The following BMP3 variants were observed in gnomAD, a reference collection of about 807,000 sequenced individuals.
The protein encoded by BMP3 is bone morphogenetic protein 3, also known as bone morphogenetic protein 3 (osteogenic).
Under a neutral mutation model 38.1 loss-of-function variants are expected in BMP3, and 23 were observed. That is an observed-to-expected ratio of 0.60 (90% CI 0.43 to 0.86). BMP3 has a LOEUF of 0.86. BMP3 is among the 40% of genes least tolerant of loss of function. The probability of loss-of-function intolerance (pLI) is 0.00; values close to 1 mark genes in which losing one functional copy is unlikely to be tolerated. For missense variants in BMP3, 628 were observed against 579.6 expected, an observed-to-expected ratio of 1.08 and a Z score of -0.86; for synonymous variants, 258 against 225.7, an observed-to-expected ratio of 1.14 and a Z score of -1.28.
At chr4:81,047,190 C>T (rs1740275159) in intron 2 of BMP3, among the ~76,000 whole-genome samples, 1 of 152,192 alleles carries the variant, frequency 6.6e-6, no homozygotes, top group African/African-American at 2.4e-5. Context: ...CCACTACGTG[C>T]TTATTTCATT....
rs191716079 is a variant in BMP3 at position 81,054,917 on chromosome 4, A to C, written c.*1381A>C. On this transcript the variant is annotated 3_prime_UTR_variant, in exon 3 of 3. Transcript: ENST00000282701. ...TCCGTCTTATCTGATACTTAGAAAT[A>C]TCTCAGCCATTTTGGAGGCTGTGCA... 7.9e-4 allele frequency: 121 copies of C among 152,356 alleles called. 1 individual carries two copies. The Middle Eastern group carries it at 0.01, about 13-fold the overall frequency. The allele number at this position is 152,356 out of a possible 1,614,324, so 9.4% of individuals were successfully genotyped here.
At chr4:81,033,637 G>A (rs887953683) in intron 1 of BMP3, among the ~76,000 whole-genome samples, 29 of 152,134 alleles carry the variant, frequency 1.9e-4, no homozygotes, top group African/African-American at 6.0e-4. Context: ...GAGGTGGTTC[G>A]TGTTGGGCCC....
intron 1 of BMP3, among the ~76,000 whole-genome samples, chr4:81,033,653 A>G (rs1007715327): frequency 6.6e-6 from 1 of 152,132 alleles, no homozygotes; most frequent in East Asian, 1.9e-4. Context: ...GGCCCCTTCC[A>G]AGAGTGTTTA....
In BMP3 at chr4:81,056,224, A is replaced by G; in HGVS notation, c.*2688A>G. The G allele has an allele frequency of 6.6e-6, 1 of 152,048 alleles. No homozygotes were observed. The allele number at this position is 152,048 out of a possible 1,614,324, so 9.4% of individuals were successfully genotyped here. ...AAGAGAAGCTACAATTATAAACTCCATTTGCTAAATCATGCATAATACTCT... is the reference window on the plus strand; with the variant it reads ...AAGAGAAGCTACAATTATAAACTCCGTTTGCTAAATCATGCATAATACTCT... On this transcript the variant is annotated 3_prime_UTR_variant, in exon 3 of 3. Coordinates refer to ENST00000282701, the MANE Select transcript of BMP3 (RefSeq NM_001201.5).
At chr4:81,048,453 T>C (rs1345936134) in intron 2 of BMP3, among the ~76,000 whole-genome samples, 1 of 152,218 alleles carries the variant, frequency 6.6e-6, no homozygotes, top group African/African-American at 2.4e-5. Flanking sequence ...CCTTTTCTCC[T>C]GACTACAATC....
Position 81,056,992 on chromosome 4 carries a change from C to CTA in BMP3, c.*3458_*3459dup, listed in dbSNP as rs1740591054. On this transcript the variant is annotated 3_prime_UTR_variant, in exon 3 of 3. Transcript: ENST00000282701. The stretch of plus-strand genomic sequence containing the variant: ...TGAATCAAAGTTGGGTTAGGCATAG[C>CTA]TATGCACACCTGATGTGTAAGATTA... The CTA allele has an allele frequency of 6.6e-6, 1 of 152,504 alleles. No individual in the cohort carries two copies. Among genetic ancestry groups the CTA allele is most frequent in the South Asian group, 2.1e-4 (1 of 4,820 alleles). 9.4% of individuals were successfully genotyped at this position (152,504 alleles called of 1,614,324 possible). A position where few individuals can be genotyped will look rare whatever the true frequency, so the allele number is the denominator to read the frequency against.
Position 81,044,286 on chromosome 4 carries a change from G to A in BMP3, c.317-1452G>A, listed in dbSNP as rs186607612. 4.6e-5 allele frequency among the ~76,000 whole-genome samples: 7 copies of A among 152,184 alleles called. No individual in the cohort carries two copies. The East Asian group carries it at 5.8e-4, about 13-fold the overall frequency. ...TTCACCCCTTTAAGTTTATTTCTCCGTTAAAATTTTCACACATTTATGGTG... is the reference window on the plus strand; with the variant it reads ...TTCACCCCTTTAAGTTTATTTCTCCATTAAAATTTTCACACATTTATGGTG... On this transcript the variant is annotated intron_variant, in intron 1 of 2. Coordinates refer to ENST00000282701, the MANE Select transcript of BMP3 (RefSeq NM_001201.5).
At position 81,030,776 on chromosome 4, in the gene BMP3, C is replaced by A. The variant is rs948487804; in HGVS notation, c.-509C>A. The stretch of plus-strand genomic sequence containing the variant: ...GCGCGCGCACACACACACACACGTA[C>A]ACTAAAAAACTCGGACCAGCCGCGC... On this transcript the variant is annotated 5_prime_UTR_variant, in exon 1 of 3. Transcript: ENST00000282701. Among the ~76,000 whole-genome samples the A allele has an allele frequency of 6.6e-6, 1 of 151,990 alleles. No individual in the cohort carries two copies. The highest frequency in any genetic ancestry group is 1.5e-5 in the Non-Finnish European group (1 of 67,970).
chr4:81,034,681 A>ACTT (rs1375251541), intron 1 of BMP3, among the ~76,000 whole-genome samples: 2 of 152,180 alleles, frequency 1.3e-5, no homozygotes, highest in Non-Finnish European at 2.9e-5. Context: ...AATCTCACAT[A>ACTT]CTTCATAGAT....
rs146867662 is a variant in BMP3 at position 81,032,475 on chromosome 4, G to A, written c.316+875G>A. Among the ~76,000 whole-genome samples, 316 of 152,308 alleles carry A rather than the reference G, an allele frequency of 2.1e-3. 1 individual carries two copies. The highest frequency in any genetic ancestry group is 3.3e-3 in the East Asian group (17 of 5,188). On this transcript the variant is annotated intron_variant, in intron 1 of 2. Coordinates refer to ENST00000282701, the MANE Select transcript of BMP3 (RefSeq NM_001201.5). ...TATGCTAACAGCCTCCCTCCCTTGT[G>A]TTAACAGCTTGAGGGAAAGCTTCCT...
At position 81,046,451 on chromosome 4, in the gene BMP3, C is replaced by T. The variant is rs1435451372; in HGVS notation, c.1030C>T (p.Arg344Trp). The change falls in exon 2 of 3, where the codon CGG becomes TGG. Residue 344 changes from arginine (R) to tryptophan (W), a missense_variant. Coordinates refer to ENST00000282701, the MANE Select transcript of BMP3 (RefSeq NM_001201.5). The stretch of plus-strand genomic sequence containing the variant: ...AAAGAAACAGAGAAAGGGGCCTCAT[C>T]GGAAGAGCCAGACGCTCCAATTTGA... ...NKKKQRKGPH[R>W]KSQTLQFDEQ... The T allele has an allele frequency of 3.7e-6, 6 of 1,613,820 alleles. No individual in the cohort carries two copies. Among genetic ancestry groups the T allele is most frequent in the African/African-American group, 1.3e-5 (1 of 74,894 alleles).
At chr4:81,043,070 A>G (rs1305061177) in intron 1 of BMP3, among the ~76,000 whole-genome samples, 3 of 152,250 alleles carry the variant, frequency 2.0e-5, no homozygotes, top group Non-Finnish European at 4.4e-5. Flanking sequence ...TTGGGGACTC[A>G]ATGAACTCAT....
At position 81,046,259 on chromosome 4, in the gene BMP3, G is replaced by T; in HGVS notation, c.838G>T (p.Ala280Ser). ...VPKWDSHIRA[A>S]LSIERRKKRS... ...CAAATGGGATAGCCACATCAGAGCT[G>T]CCCTTTCCATTGAGCGGAGGAAGAA... The change falls in exon 2 of 3, where the codon GCC becomes TCC. Residue 280 changes from alanine to serine, a missense_variant. Physicochemically the swap from Ala to Ser is moderately conservative, Grantham distance 99. Coordinates refer to ENST00000282701, the MANE Select transcript of BMP3 (RefSeq NM_001201.5). 1 of 1,614,074 alleles carries T rather than the reference G, an allele frequency of 6.2e-7. No homozygotes were observed. The highest frequency in any genetic ancestry group is 8.5e-7 in the Non-Finnish European group (1 of 1,180,020).
chr4:81,047,510 T>G (rs779067822), intron 2 of BMP3, among the ~76,000 whole-genome samples: 4 of 149,758 alleles, frequency 2.7e-5, no homozygotes, highest in Non-Finnish European at 5.9e-5. Flanking sequence ...TTGGTGCACT[T>G]CCATTCTCAG....
chr4:81,031,552 C>T lies in BMP3; in HGVS notation c.268C>T (p.Leu90Phe), dbSNP rs780634718. 3 of 1,610,550 alleles carry T rather than the reference C, an allele frequency of 1.9e-6. No individual in the cohort carries two copies. The highest frequency in any genetic ancestry group is 4.5e-5 in the East Asian group (2 of 44,756). Residue 90 changes from leucine (L) to phenylalanine (F), a missense_variant, in exon 1 of 3, where the codon CTC (leucine) becomes TTC (phenylalanine). Physicochemically the swap from Leu to Phe is conservative, Grantham distance 22 (BLOSUM62 0). Coordinates refer to ENST00000282701, the MANE Select transcript of BMP3 (RefSeq NM_001201.5). ...EGGSQPWRPR[L>F]LREGNTVRSF... ...AGGCTCGCAGCCCTGGCGCCCTCGG[C>T]TCCTGCGCGAAGGCAACACGGTTCG...
At chr4:81,052,015 A>T (rs1229690468) in intron 2 of BMP3, among the ~76,000 whole-genome samples, 2 of 151,308 alleles carry the variant, frequency 1.3e-5, no homozygotes, top group African/African-American at 4.9e-5. Context: ...TTTTTTTTTA[A>T]GAGTATGCCT....
At chr4:81,051,813 T>C (rs1201737533) in intron 2 of BMP3, among the ~76,000 whole-genome samples, 1 of 152,114 alleles carries the variant, frequency 6.6e-6, no homozygotes, top group African/African-American at 2.4e-5. Context: ...AGTTAACCAG[T>C]CTTTTTAACA....
chr4:81,046,460 C>G lies in BMP3; in HGVS notation c.1039C>G (p.Gln347Glu), dbSNP rs555309144. 6.2e-6 allele frequency: 10 copies of G among 1,613,776 alleles called. No homozygotes were observed. The highest frequency in any genetic ancestry group is 8.5e-6 in the Non-Finnish European group (10 of 1,179,962). Residue 347 changes from glutamine (Q) to glutamate (E), a missense_variant, in exon 2 of 3, where the codon CAG (glutamine) becomes GAG (glutamate). By Grantham distance (29) the Gln-to-Glu change is conservative. Coordinates refer to ENST00000282701, the MANE Select transcript of BMP3 (RefSeq NM_001201.5). ...KQRKGPHRKS[Q>E]TLQFDEQTLK... ...GAGAAAGGGGCCTCATCGGAAGAGC[C>G]AGACGCTCCAATTTGATGAGCAGAC...
At chr4:81,048,985 A>G (rs1435206113) in intron 2 of BMP3, among the ~76,000 whole-genome samples, 1 of 152,204 alleles carries the variant, frequency 6.6e-6, no homozygotes, top group Non-Finnish European at 1.5e-5. Context: ...TGATTCTACC[A>G]CTTACCTGCT....
Sources: gnomAD v4.1 joint callset for allele counts (sites outside exome capture counted in the v4.1 genomes callset) on GRCh38, gnomAD v4.1.1 for gene constraint, MANE v1.5 for transcripts, NCBI Gene and HGNC (gene_info 2026-07-23, HGNC 2026-07-21) for gene names.